The following ZNF142 variants were observed in gnomAD, a reference collection of about 807,000 sequenced individuals.
The protein encoded by ZNF142 is zinc finger protein 142 (clone pHZ-49).
Under a neutral mutation model 132.1 loss-of-function variants are expected in ZNF142, and 96 were observed. The observed-to-expected ratio is 0.73, with a 90% CI of 0.62 to 0.86. The LOEUF (loss-of-function observed/expected upper bound fraction) is 0.86, where lower values mean the gene tolerates loss of function less well. ZNF142 is among the 40% of genes least tolerant of loss of function. The pLI is 0.00. For synonymous variants in ZNF142, 842 were observed against 890.1 expected (o/e 0.95, Z 0.96); for missense variants, 2,163 against 2,336.2 (o/e 0.93, Z 1.53).
intron 10 of ZNF142, among the ~76,000 whole-genome samples, chr2:218,640,204 C>G (rs1697072364): frequency 6.6e-6 from 1 of 151,796 alleles, no homozygotes; most frequent in Non-Finnish European, 1.5e-5. Flanking sequence ...GCAATAAGCA[C>G]AGGCACACGA....
At chr2:218,650,111 A>G (rs1477884775) in intron 6 of ZNF142, among the ~76,000 whole-genome samples, 1 of 152,182 alleles carries the variant, frequency 6.6e-6, no homozygotes, top group African/African-American at 2.4e-5. Context: ...TCCCTGCTAG[A>G]GTTTTCTGCC....
In ZNF142 at chr2:218,644,332, C is replaced by G; in HGVS notation, c.2784G>C (p.Leu928=). The change falls in exon 9 of 11, where the codon CTG becomes CTC. Residue 928 remains leucine (L), a synonymous_variant. Coordinates refer to ENST00000411696, the MANE Select transcript of ZNF142 (RefSeq NM_001379659.1). The surrounding 1 kb of genome is among the most constrained non-coding windows in gnomAD (Gnocchi z 4.6). The part of the protein sequence containing the change: ...TAPMEFRPLG[L]EGPDGLEGPE... ...GTCCTTCCAGTCCATCTGGCCCTTC[C>G]AGTCCCAGGGGCCTGAACTCCATAG... 1 of 1,614,140 alleles carries G rather than the reference C, an allele frequency of 6.2e-7. No individual in the cohort carries two copies. Among genetic ancestry groups the G allele is most frequent in the East Asian group, 2.2e-5 (1 of 44,876 alleles).
rs780711019 is a variant in ZNF142, at chr2:218,638,459, G to A, written c.5544C>T (p.Ala1848=). The A allele has an allele frequency of 9.5e-6, 15 of 1,585,046 alleles. No homozygotes were observed. Among genetic ancestry groups the A allele is most frequent in the African/African-American group, 1.3e-5 (1 of 74,542 alleles). ...KHVRRHHPDQ[A]DPNQGVGKDP... is the part of the protein sequence containing the mutation. Reference sequence around the variant, plus strand: ...CTTTGCCCACACCCTGGTTTGGGTCGGCTTGGTCAGGGTGGTGCCTGCGTA... The same window carrying A: ...CTTTGCCCACACCCTGGTTTGGGTCAGCTTGGTCAGGGTGGTGCCTGCGTA... Residue 1848 remains alanine (A), a synonymous_variant, in exon 11 of 11, where the codon GCC becomes GCT. Coordinates refer to ENST00000411696, the MANE Select transcript of ZNF142 (RefSeq NM_001379659.1).
At position 218,642,528 on chromosome 2, in the gene ZNF142, A is replaced by G. The variant is rs1697302095; in HGVS notation, c.4588T>C (p.Cys1530Arg). The change falls in exon 9 of 11, where the codon TGT (cysteine) becomes CGT (arginine). Residue 1530 changes from cysteine (C) to arginine (R), a missense_variant. This residue lies in a region of ZNF142 where 809 missense variants were observed against 801.7 expected (regional missense o/e 1.01). Transcript: ENST00000411696. This position sits in a 1 kb window ranked among gnomAD's most constrained non-coding sequence, Gnocchi z 4.6. ...GGGCACAGCAACCCACAGCGGGAAC[A>G]GTGCAGGGGGCCCTCAGTGGTCTCT... Reference protein sequence around the residue: ...PAETTEGPLHCSRCGLLCPSP... With the variant: ...PAETTEGPLHRSRCGLLCPSP... 1 of 1,609,144 alleles carries G rather than the reference A, an allele frequency of 6.2e-7. No homozygotes were observed. The highest frequency in any genetic ancestry group is 1.3e-5 in the African/African-American group (1 of 74,820).
intron 6 of ZNF142, among the ~76,000 whole-genome samples, chr2:218,650,092 C>T (rs1164123089): frequency 1.3e-5 from 2 of 152,082 alleles, no homozygotes; most frequent in African/African-American, 2.4e-5. Flanking sequence ...ATGAAGATCA[C>T]CTCCTGCTTC....
chr2:218,643,891 G>A lies in ZNF142; in HGVS notation c.3225C>T (p.Phe1075=), dbSNP rs1413244502. The change falls in exon 9 of 11, where the codon TTC becomes TTT. Residue 1075 remains phenylalanine, a synonymous_variant. Coordinates refer to ENST00000411696, the MANE Select transcript of ZNF142 (RefSeq NM_001379659.1). ...PLLCPECGAS[F]KQQRGLSTHL... is the part of the protein sequence containing the mutation. ...GGGTGCTGAGGCCGCGTTGTTGCTT[G>A]AAGCTAGCCCCACACTCGGGGCACA... is the stretch of plus-strand genomic sequence containing the variant. 3 of 1,614,178 alleles carry A rather than the reference G, an allele frequency of 1.9e-6. No individual in the cohort carries two copies. Among genetic ancestry groups the A allele is most frequent in the South Asian group, 1.1e-5 (1 of 91,084 alleles).
At chr2:218,639,733 GAAAA>G (rs34789965) in intron 10 of ZNF142, among the ~76,000 whole-genome samples, 1 of 101,846 alleles carries the variant, frequency 9.8e-6, no homozygotes, top group African/African-American at 3.6e-5. Flanking sequence ...CCCTGTCACT[GAAAA>G]AAAAAAAAAA....
chr2:218,641,952 GC>G, intron 9 of ZNF142, 75 bp downstream of exon 9: 2 of 1,525,100 alleles, frequency 1.3e-6, no homozygotes, highest in Non-Finnish European at 1.8e-6. Context: ...GGAGGAGTCA[GC>G]TATAGAGAAC....
rs748586490 is a variant in ZNF142, at chr2:218,644,897, G to A, written c.2219C>T (p.Pro740Leu). The A allele has an allele frequency of 5.6e-6, 9 of 1,614,026 alleles. No individual in the cohort carries two copies. The highest frequency in any genetic ancestry group is 1.1e-5 in the South Asian group (1 of 91,076). Residue 740 changes from proline to leucine, a missense_variant, in exon 9 of 11, where the codon CCG (proline) becomes CTG (leucine). Coordinates refer to ENST00000411696, the MANE Select transcript of ZNF142 (RefSeq NM_001379659.1). The surrounding 1 kb of genome is among the most constrained non-coding windows in gnomAD (Gnocchi z 4.6). ...GTAGTGGCAAGGGTAGAGTGGGGCC[G>A]GTGTGCCAGGGTGGTGCTGGGAAGC... The part of the protein sequence containing the change: ...HMASQHHPGT[P>L]APLYPCHYCS...
At chr2:218,657,709 C>T (rs141803590) in intron 3 of ZNF142, among the ~76,000 whole-genome samples, 2 of 152,256 alleles carry the variant, frequency 1.3e-5, no homozygotes, top group Non-Finnish European at 1.5e-5. Context: ...GGATTACAGG[C>T]GTGAGGCACC....
chr2:218,639,150 T>C (rs2097578774), intron 10 of ZNF142, among the ~76,000 whole-genome samples: 1 of 152,174 alleles, frequency 6.6e-6, no homozygotes, highest in South Asian at 2.1e-4. Flanking sequence ...TTTGTATTTT[T>C]AGTGAAGACA....
At chr2:218,650,974 C>T (rs888018913) in intron 5 of ZNF142, among the ~76,000 whole-genome samples, 1 of 147,002 alleles carries the variant, frequency 6.8e-6, no homozygotes, top group Non-Finnish European at 1.5e-5. Context: ...TTCCTAAGTT[C>T]CTTTCTTTAC....
Position 218,633,949 on chromosome 2 carries a change from G to C in ZNF142, c.*4390C>G, listed in dbSNP as rs1475021307. 8.1e-7 allele frequency: 1 copy of C among 1,229,874 alleles called. No individual in the cohort carries two copies. The highest frequency in any genetic ancestry group is 2.2e-5 in the Admixed American group (1 of 44,934). The allele number at this position is 1,229,874 out of a possible 1,614,324, so 76.2% of individuals were successfully genotyped here. A position where few individuals can be genotyped will look rare whatever the true frequency, so the allele number is the denominator to read the frequency against. Reference sequence around the variant, plus strand: ...GGCTCAAGGGTCTAGGGGCAGGAAAGCTGGTCTGGATGGACAGAGTAGAGA... The same window carrying C: ...GGCTCAAGGGTCTAGGGGCAGGAAACCTGGTCTGGATGGACAGAGTAGAGA... On this transcript the variant is annotated 3_prime_UTR_variant, in exon 11 of 11. Coordinates refer to ENST00000411696, the MANE Select transcript of ZNF142 (RefSeq NM_001379659.1).
chr2:218,657,946 C>T (rs1938705340), intron 3 of ZNF142, among the ~76,000 whole-genome samples: 2 of 152,182 alleles, frequency 1.3e-5, no homozygotes, highest in South Asian at 2.1e-4. Flanking sequence ...CACCCACAAT[C>T]GAAGATTCCA....
In ZNF142 at chr2:218,640,704, C is replaced by G; in HGVS notation, c.5154G>C (p.Lys1718Asn). The G allele has an allele frequency of 6.2e-7, 1 of 1,614,210 alleles. No homozygotes were observed. Among genetic ancestry groups the G allele is most frequent in the Non-Finnish European group, 8.5e-7 (1 of 1,180,040 alleles). The change falls in exon 10 of 11, where the codon AAG (lysine) becomes AAC (asparagine). Residue 1718 changes from lysine to asparagine, a missense_variant. Lys to Asn is a moderately conservative substitution (Grantham distance 94). Around this residue, in one of 7 missense-constraint regions of ZNF142, gnomAD observed 325 missense variants for 367.8 expected, o/e 0.88. Transcript: ENST00000411696. The part of the protein sequence containing the change: ...YLCPECGYKC[K>N]WVNQLKYHMT... ...TGTGGTATTTCAGCTGGTTGACCCA[C>G]TTGCACTTGTAGCCACACTCAGGGC... is the stretch of plus-strand genomic sequence containing the variant.
Position 218,636,612 on chromosome 2 carries a change from C to T in ZNF142, c.*1727G>A, listed in dbSNP as rs778632428. ...TTCACGGGAAGGGTTGGTGTGCTGG[C>T]TTTAGACGGGGAGAAACATCTGGAA... On this transcript the variant is annotated 3_prime_UTR_variant, in exon 11 of 11. Transcript: ENST00000411696. The T allele has an allele frequency of 6.3e-7, 1 of 1,588,182 alleles. No homozygotes were observed. Among genetic ancestry groups the T allele is most frequent in the South Asian group, 1.1e-5 (1 of 90,014 alleles).
Position 218,642,068 on chromosome 2 carries a change from T to G in ZNF142, c.5048A>C (p.His1683Pro), listed in dbSNP as rs747887438. 1.2e-6 allele frequency: 2 copies of G among 1,614,130 alleles called. No homozygotes were observed. The highest frequency in any genetic ancestry group is 4.5e-5 in the East Asian group (2 of 44,884). The change falls in exon 9 of 11, where the codon CAC (histidine) becomes CCC (proline). Residue 1683 changes from histidine (H) to proline (P), a missense_variant. His to Pro is a moderately conservative substitution (Grantham distance 77). Coordinates refer to ENST00000411696, the MANE Select transcript of ZNF142 (RefSeq NM_001379659.1). The surrounding 1 kb of genome is among the most constrained non-coding windows in gnomAD (Gnocchi z 4.6). The part of the protein sequence containing the change: ...IHTGEKPYHC[H>P]LCPYACADPS... ...ATCAGCACAGGCATAGGGGCAGAGGTGACAGTGGTAAGGCTTTTCCCCAGT... is the reference window on the plus strand; with the variant it reads ...ATCAGCACAGGCATAGGGGCAGAGGGGACAGTGGTAAGGCTTTTCCCCAGT...
chr2:218,645,210 GA>G (rs2106223865), intron 8 of ZNF142, 146 bp from the exon 9 acceptor site: 1 of 1,041,092 alleles, frequency 9.6e-7, no homozygotes, highest in Admixed American at 2.8e-5. Flanking sequence ...ACTACCCTAT[GA>G]AACTGGTATC....
chr2:218,638,742 T>C lies in ZNF142; in HGVS notation c.5261A>G (p.His1754Arg). The change falls in exon 11 of 11, where the codon CAC becomes CGC. Residue 1754 changes from histidine to arginine, a missense_variant. Physicochemically the swap from His to Arg is conservative, Grantham distance 29. Coordinates refer to ENST00000411696, the MANE Select transcript of ZNF142 (RefSeq NM_001379659.1). ...CTNRADALRVHQETRHREARA... is the reference protein window; with the variant it reads ...CTNRADALRVRQETRHREARA... ...TGCTTCTCGATGCCGGGTCTCCTGGTGCACACGCAGTGCATCAGCCCGGTT... is the reference window on the plus strand; with the variant it reads ...TGCTTCTCGATGCCGGGTCTCCTGGCGCACACGCAGTGCATCAGCCCGGTT... 6.2e-7 allele frequency: 1 copy of C among 1,612,750 alleles called. No homozygotes were observed. Among genetic ancestry groups the C allele is most frequent in the South Asian group, 1.1e-5 (1 of 91,080 alleles).
Sources: gnomAD v4.1 joint callset for allele counts (sites outside exome capture counted in the v4.1 genomes callset) on GRCh38, gnomAD v4.1.1 for gene constraint, gnomAD v4.1.1 regional missense constraint, Gnocchi (gnomAD v3.1) non-coding constraint, MANE v1.5 for transcripts, NCBI Gene and HGNC (gene_info 2026-07-23, HGNC 2026-07-21) for gene names.